FBXO34: variants seen among roughly 807,000 people sequenced by gnomAD.
FBXO34 encodes F-box only protein 34.
A neutral mutation model predicts 24.5 loss-of-function variants in FBXO34; 12 were observed. That is an observed-to-expected ratio of 0.49 (90% CI 0.31 to 0.79). FBXO34 has a LOEUF of 0.79. Among genes scored for constraint, FBXO34 ranks in the 30% least tolerant of loss-of-function variants. FBXO34 has a pLI of 0.04. For synonymous variants in FBXO34, 320 were observed against 311.9 expected, an observed-to-expected ratio of 1.03 and a Z score of -0.27; for missense variants, 823 against 857.7, an observed-to-expected ratio of 0.96 and a Z score of 0.51.
intron 3 of FBXO34, among the ~76,000 whole-genome samples, chr14:55,359,581 C>T (rs553326784): frequency 4.6e-5 from 7 of 152,276 alleles, no homozygotes; most frequent in Non-Finnish European, 7.4e-5. Flanking sequence ...TGATAGCTGA[C>T]GACTGATCAG....
chr14:55,311,716 C>T (rs1566550533), intron 1 of FBXO34, among the ~76,000 whole-genome samples: 1 of 151,792 alleles, frequency 6.6e-6, no homozygotes, highest in South Asian at 2.1e-4. Flanking sequence ...TCATTAAATC[C>T]TTTTTTTTAT....
chr14:55,426,796 A>G, the FBXO34 span, among the ~76,000 whole-genome samples: 1 of 152,072 alleles, frequency 6.6e-6, no homozygotes, highest in African/African-American at 2.4e-5. Context: ...GGATGGGCCC[A>G]CTCCGTCTGA....
intron 1 of FBXO34, among the ~76,000 whole-genome samples, chr14:55,291,259 A>G (rs1182364676): frequency 6.6e-6 from 1 of 152,168 alleles, no homozygotes; most frequent in Non-Finnish European, 1.5e-5. Context: ...TTCATAGGTA[A>G]AAAAATGACA....
rs373503206 is a variant in FBXO34 at position 55,284,252 on chromosome 14, G to A, written c.-11+12715G>A. On this transcript the variant is annotated intron_variant, in intron 1 of 1. Transcript: ENST00000313833. ...ATATGGGTTGGGTGCGGTGGCTCAC[G>A]CTTGCAGTCCCAGCACTTTGGAAGG... Among the ~76,000 whole-genome samples, 13 of 152,190 alleles carry A rather than the reference G, an allele frequency of 8.5e-5. 1 individual carries two copies. Among genetic ancestry groups the A allele is most frequent in the African/African-American group, 3.1e-4 (13 of 41,542 alleles).
At chr14:55,360,308 G>C (rs907544200) in intron 3 of FBXO34, among the ~76,000 whole-genome samples, 1 of 152,084 alleles carries the variant, frequency 6.6e-6, no homozygotes, top group African/African-American at 2.4e-5. Flanking sequence ...CCTGATCTCA[G>C]GTGATCTGCC....
Position 55,347,658 on chromosome 14 carries a change from A to G in FBXO34, c.-10-2723A>G, listed in dbSNP as rs542979845. Among the ~76,000 whole-genome samples the G allele has an allele frequency of 1.3e-5, 2 of 152,260 alleles. 1 individual carries two copies. The highest frequency in any genetic ancestry group is 4.8e-5 in the African/African-American group (2 of 41,550). Reference sequence around the variant, plus strand: ...TTCCCTGGGATCACCTCCTATTTTAATCTTGCTAAAATCTTGCACACAAAG... The same window carrying G: ...TTCCCTGGGATCACCTCCTATTTTAGTCTTGCTAAAATCTTGCACACAAAG... On this transcript the variant is annotated intron_variant, in intron 1 of 1. Coordinates refer to ENST00000313833, the MANE Select transcript of FBXO34 (RefSeq NM_017943.4).
rs562896842 is a variant in FBXO34 at position 55,305,976 on chromosome 14, G to A, written c.-11+34439G>A. On this transcript the variant is annotated intron_variant, in intron 1 of 1. Transcript: ENST00000313833. ...TGAGAAAGTATCACATTTTAAACCTGTGTGGTCTAGTAGTAAAATAGTTCA... is the reference window on the plus strand; with the variant it reads ...TGAGAAAGTATCACATTTTAAACCTATGTGGTCTAGTAGTAAAATAGTTCA... Among the ~76,000 whole-genome samples, 28 of 152,346 alleles carry A rather than the reference G, an allele frequency of 1.8e-4. No homozygotes were observed. In the South Asian group the frequency reaches 5.8e-3, roughly 32 times the overall value.
intron 1 of FBXO34, chr14:55,282,404 T>C (rs1881583099): frequency 2.7e-6 from 1 of 364,148 alleles, no homozygotes; most frequent in South Asian, 2.4e-5. Context: ...TAGCACACAT[T>C]GGACCACGAT....
the FBXO34 span, chr14:55,436,746 G>A: frequency 7.4e-6 from 12 of 1,614,162 alleles, no homozygotes; most frequent in East Asian, 4.5e-5. Flanking sequence ...CCAGCCCAAC[G>A]TCCTGTTCGC....
intron 3 of FBXO34, among the ~76,000 whole-genome samples, chr14:55,360,768 C>T (rs1466263432): frequency 2.0e-5 from 3 of 151,980 alleles, no homozygotes; most frequent in Non-Finnish European, 2.9e-5. Context: ...GAGGCCTAGG[C>T]GGGCGGATCA....
chr14:55,295,848 A>G (rs80185775), intron 1 of FBXO34, among the ~76,000 whole-genome samples: 1 of 152,266 alleles, frequency 6.6e-6, no homozygotes, highest in Non-Finnish European at 1.5e-5. Flanking sequence ...ATAGTAAAGA[A>G]TACTTTGAAG....
At chr14:55,367,278 T>A (rs925137351) in exon 3 of FBXO34, 2 of 152,214 alleles carry the variant, frequency 1.3e-5, no homozygotes, top group African/African-American at 4.8e-5. Context: ...AAGCTCTTAC[T>A]TCTGAGGGTT....
chr14:55,428,655 C>T, the FBXO34 span: 1 of 794,010 alleles, frequency 1.3e-6, no homozygotes, highest in Non-Finnish European at 1.9e-6. Flanking sequence ...CCTATGAGAA[C>T]TCAGGCATAG....
intron 1 of FBXO34, among the ~76,000 whole-genome samples, chr14:55,304,058 A>G (rs1344039794): frequency 4.6e-5 from 7 of 152,240 alleles, no homozygotes; most frequent in Non-Finnish European, 7.3e-5. Flanking sequence ...TTTATTGCTT[A>G]GTTACAGTGA....
chr14:55,322,118 C>T (rs372363659), intron 1 of FBXO34, among the ~76,000 whole-genome samples: 3 of 151,676 alleles, frequency 2.0e-5, no homozygotes, highest in South Asian at 2.1e-4. Context: ...GTCAGGAGAT[C>T]GAGACCACGG....
chr14:55,298,126 A>G (rs1031713795), intron 1 of FBXO34, among the ~76,000 whole-genome samples: 8 of 152,092 alleles, frequency 5.3e-5, no homozygotes, highest in Non-Finnish European at 1.0e-4. Flanking sequence ...TGTGTAGCAC[A>G]CGCTTGTCCA....
At chr14:55,278,321 C>T (rs1348167515) in intron 1 of FBXO34, among the ~76,000 whole-genome samples, 2 of 152,148 alleles carry the variant, frequency 1.3e-5, no homozygotes, top group Admixed American at 1.3e-4. Flanking sequence ...TTTCCTTTTT[C>T]AGTCCAAAGG....
the FBXO34 span, among the ~76,000 whole-genome samples, chr14:55,439,794 A>G: frequency 6.6e-6 from 1 of 151,574 alleles, no homozygotes; most frequent in African/African-American, 2.4e-5. Context: ...AGCCGGGCGT[A>G]GTGGCGGGCT....
chr14:55,319,511 T>G (rs1355336355), intron 1 of FBXO34, among the ~76,000 whole-genome samples: 2 of 152,244 alleles, frequency 1.3e-5, no homozygotes, highest in African/African-American at 2.4e-5. Context: ...ATATGATGAC[T>G]CTGTATGGGT....
Sources: allele counts gnomAD v4.1 joint callset (sites outside exome capture counted in the v4.1 genomes callset), GRCh38; gene constraint gnomAD v4.1.1; transcripts MANE v1.5; gene names NCBI Gene and HGNC (gene_info 2026-07-23, HGNC 2026-07-21).